The following A4GNT variants were observed in gnomAD, a reference collection of about 807,000 sequenced individuals.
A4GNT encodes alpha-1,4-N-acetylglucosaminyltransferase.
A4GNT carries 6 observed loss-of-function variants against 8.3 expected under a neutral mutation model. The observed-to-expected ratio is 0.72, with a 90% confidence interval of 0.39 to 1.42. The LOEUF (loss-of-function observed/expected upper bound fraction) is 1.42, where lower values mean the gene tolerates loss of function less well. Among genes scored for constraint, A4GNT ranks in the 40% most tolerant of loss-of-function variants. The pLI is 0.02. For synonymous variants in A4GNT, 157 were observed against 159.8 expected (o/e 0.98, Z 0.13); for missense variants, 377 against 417.0 (o/e 0.90, Z 0.84).
rs1271394523 is a variant in A4GNT, at chr3:138,124,694, A to C, written c.593T>G (p.Leu198Arg). The C allele has an allele frequency of 6.2e-7, 1 of 1,614,060 alleles. No individual in the cohort carries two copies. The highest frequency in any genetic ancestry group is 1.7e-5 in the Admixed American group (1 of 60,006). The change falls in exon 3 of 3, where the codon CTC becomes CGC. Residue 198 changes from leucine (L) to arginine (R), a missense_variant. By Grantham distance (102) the Leu-to-Arg change is moderately radical. Coordinates refer to ENST00000236709, the MANE Select transcript of A4GNT (RefSeq NM_016161.3). ...RYSSNGIFGF[L>R]PHHPFLWECM... ...TTCCCACAAAAAGGGGTGGTGGGGG[A>C]GGAACCCAAATATTCCATTACTAGA...
chr3:138,129,818 A>G (rs1045631565), intron 2 of A4GNT, among the ~76,000 whole-genome samples: 4 of 152,208 alleles, frequency 2.6e-5, no homozygotes, highest in African/African-American at 9.7e-5. Context: ...TGTTTGAGAC[A>G]GAGTCTCGCT....
Position 138,124,374 on chromosome 3 carries a change from T to C in A4GNT, c.913A>G (p.Asn305Asp), listed in dbSNP as rs1378172987. 5.6e-6 allele frequency: 9 copies of C among 1,614,140 alleles called. No individual in the cohort carries two copies. In the South Asian group the frequency reaches 8.8e-5, roughly 16 times the overall value. Residue 305 changes from asparagine (N) to aspartate (D), a missense_variant, in exon 3 of 3, where the codon AAC (asparagine) becomes GAC (aspartate). By Grantham distance (23) the Asn-to-Asp change is conservative. Coordinates refer to ENST00000236709, the MANE Select transcript of A4GNT (RefSeq NM_016161.3). ...QEGRAVIRGS[N>D]TLVENLYRKH... ...CGATAGAGATTTTCCACCAGTGTGT[T>C]GCTTCCTCTAATCACAGCCCGCCCC...
chr3:138,127,049 T>C (rs1371151851), intron 2 of A4GNT, among the ~76,000 whole-genome samples: 4 of 148,268 alleles, frequency 2.7e-5, no homozygotes, highest in African/African-American at 1.0e-4. Flanking sequence ...GGAGAATCAC[T>C]TGAACCTGGG....
chr3:138,124,961 C>T, intron 2 of A4GNT, 83 bp from the exon 3 acceptor site: 2 of 1,506,382 alleles, frequency 1.3e-6, no homozygotes, highest in East Asian at 2.3e-5. Flanking sequence ...CCCAGAGAGG[C>T]TGGGGAGGGG....
At chr3:138,127,468 G>A (rs1245453009) in intron 2 of A4GNT, among the ~76,000 whole-genome samples, 1 of 151,924 alleles carries the variant, frequency 6.6e-6, no homozygotes, top group Admixed American at 6.6e-5. Context: ...CAGCTACTTG[G>A]GAGGCTGAGG....
intron 2 of A4GNT, among the ~76,000 whole-genome samples, chr3:138,127,457 C>G (rs1323476092): frequency 6.6e-6 from 1 of 151,778 alleles, no homozygotes; most frequent in Non-Finnish European, 1.5e-5. Context: ...GCTTGTAGTC[C>G]CAGCTACTTG....
intron 2 of A4GNT, among the ~76,000 whole-genome samples, chr3:138,127,118 C>CAAAAA (rs898641661): frequency 5.6e-4 from 19 of 34,000 alleles, no homozygotes; most frequent in East Asian, 9.2e-4. Context: ...GACTCCATCT[C>CAAAAA]AAAAAAAAAA....
chr3:138,126,361 TAGAA>T (rs1428529920), intron 2 of A4GNT, among the ~76,000 whole-genome samples: 6 of 151,604 alleles, frequency 4.0e-5, no homozygotes, highest in African/African-American at 1.5e-4. Context: ...TGAAGAGAAA[TAGAA>T]AGCAAAATGT....
At position 138,124,415 on chromosome 3, in the gene A4GNT, T is replaced by C; in HGVS notation, c.872A>G (p.Asn291Ser). 1.2e-6 allele frequency: 2 copies of C among 1,614,208 alleles called. No individual in the cohort carries two copies. The highest frequency in any genetic ancestry group is 1.7e-6 in the Non-Finnish European group (2 of 1,180,048). ...FNVSYALHLW[N>S]HMNQEGRAVI... ...AGCCCGCCCCTCCTGGTTCATGTGG[T>C]TCCACAAATGCAGGGCATAAGAGAC... The change falls in exon 3 of 3, where the codon AAC becomes AGC. Residue 291 changes from asparagine to serine, a missense_variant. Coordinates refer to ENST00000236709, the MANE Select transcript of A4GNT (RefSeq NM_016161.3).
Position 138,131,034 on chromosome 3 carries a change from C to T in A4GNT, c.223G>A (p.Ala75Thr). ...HLVSCSVESAAKIYPEWPVVF... is the reference protein window; with the variant it reads ...HLVSCSVESATKIYPEWPVVF... ...ACAGGCCACTCAGGATAAATCTTGG[C>T]AGCAGACTCTACGGAACAGGAGACC... Residue 75 changes from alanine (A) to threonine (T), a missense_variant, in exon 2 of 3, where the codon GCC (alanine) becomes ACC (threonine). Coordinates refer to ENST00000236709, the MANE Select transcript of A4GNT (RefSeq NM_016161.3). The T allele has an allele frequency of 6.2e-7, 1 of 1,614,120 alleles. No individual in the cohort carries two copies. Among genetic ancestry groups the T allele is most frequent in the Non-Finnish European group, 8.5e-7 (1 of 1,180,012 alleles).
At position 138,124,874 on chromosome 3, in the gene A4GNT, T is replaced by G. The variant is rs2042736666; in HGVS notation, c.413A>C (p.Asn138Thr). The change falls in exon 3 of 3, where the codon AAC becomes ACC. Residue 138 changes from asparagine to threonine, a missense_variant. Physicochemically the swap from Asn to Thr is moderately conservative, Grantham distance 65. Transcript: ENST00000236709. ...GAGCCAGTTTCTCTCTGCGCTGGCG[T>G]TGATCTGCAGGAGCAGGTGCAAATC... is the stretch of plus-strand genomic sequence containing the variant. Reference protein sequence around the residue: ...TPLFSWYNQINASAERNWLHI... With the variant: ...TPLFSWYNQITASAERNWLHI... The G allele has an allele frequency of 8.1e-6, 13 of 1,609,432 alleles. No individual in the cohort carries two copies. Among genetic ancestry groups the G allele is most frequent in the Non-Finnish European group, 1.1e-5 (13 of 1,177,506 alleles).
At position 138,131,024 on chromosome 3, in the gene A4GNT, TA is replaced by T. The variant is rs2042773275; in HGVS notation, c.232del (p.Tyr78IlefsTer10). 6.2e-7 allele frequency: 1 copy of T among 1,614,092 alleles called. No individual in the cohort carries two copies. The highest frequency in any genetic ancestry group is 1.3e-5 in the African/African-American group (1 of 75,014). ...AAAGAACACCACAGGCCACTCAGGA[TA>T]AATCTTGGCAGCAGACTCTACGGAA... ...SCSVESAAKI[Y>X]PEWPVVFFMK... On this transcript the variant is annotated frameshift_variant, in exon 2 of 3. Coordinates refer to ENST00000236709, the MANE Select transcript of A4GNT (RefSeq NM_016161.3). LOFTEE classifies it high-confidence loss of function.
At chr3:138,127,136 A>C (rs1050257139) in intron 2 of A4GNT, among the ~76,000 whole-genome samples, 2 of 151,684 alleles carry the variant, frequency 1.3e-5, no homozygotes, top group African/African-American at 2.4e-5. Flanking sequence ...AAAAAAAAAA[A>C]AAAACAATAA....
rs1167069082 is a variant in A4GNT, at chr3:138,131,068, T to A, written c.189A>T (p.Pro63=). 1 of 1,613,686 alleles carries A rather than the reference T, an allele frequency of 6.2e-7. No individual in the cohort carries two copies. Among genetic ancestry groups the A allele is most frequent in the Admixed American group, 1.7e-5 (1 of 59,992 alleles). ...VFLETSERME[P]PHLVSCSVES... ...CTACGGAACAGGAGACCAAATGGGGTGGCTCCATTCTCTCTGAGGTCTCTA... is the reference window on the plus strand; with the variant it reads ...CTACGGAACAGGAGACCAAATGGGGAGGCTCCATTCTCTCTGAGGTCTCTA... Residue 63 remains proline, a synonymous_variant, in exon 2 of 3, where the codon CCA becomes CCT. Coordinates refer to ENST00000236709, the MANE Select transcript of A4GNT (RefSeq NM_016161.3).
intron 2 of A4GNT, among the ~76,000 whole-genome samples, chr3:138,126,202 A>G (rs536642413): frequency 1.0e-4 from 15 of 149,040 alleles, no homozygotes; most frequent in African/African-American, 3.4e-4. Flanking sequence ...GCTGGTCAGG[A>G]TTTGCTAATG....
intron 2 of A4GNT, among the ~76,000 whole-genome samples, chr3:138,130,027 C>T (rs2622694): frequency 0.64 from 96,807 of 151,808 alleles, 31,036 homozygotes; most frequent in Admixed American, 0.69. Context: ...TAAATTCACT[C>T]CTAATCCAAT....
intron 2 of A4GNT, among the ~76,000 whole-genome samples, chr3:138,128,408 C>G (rs2042758029): frequency 1.3e-5 from 2 of 151,864 alleles, no homozygotes; most frequent in Admixed American, 1.3e-4. Flanking sequence ...CTTTTACTCA[C>G]AGCTGAAGGT....
intron 2 of A4GNT, among the ~76,000 whole-genome samples, chr3:138,129,577 G>C (rs1024201470): frequency 1.3e-5 from 2 of 152,156 alleles, no homozygotes; most frequent in Admixed American, 1.3e-4. Flanking sequence ...ATGAATTTCT[G>C]TTGTTTTATG....
In A4GNT at chr3:138,124,199, T is replaced by C; in HGVS notation, c.*65A>G. On this transcript the variant is annotated 3_prime_UTR_variant, in exon 3 of 3. Coordinates refer to ENST00000236709, the MANE Select transcript of A4GNT (RefSeq NM_016161.3). Reference sequence around the variant, plus strand: ...CCGCCAAGAGACAGTGGAGATCAAGTGAAAATGTGGCACTCCAGGAAATGT... The same window carrying C: ...CCGCCAAGAGACAGTGGAGATCAAGCGAAAATGTGGCACTCCAGGAAATGT... The C allele has an allele frequency of 6.4e-7, 1 of 1,551,694 alleles. No individual in the cohort carries two copies. The highest frequency in any genetic ancestry group is 8.7e-7 in the Non-Finnish European group (1 of 1,147,374).
Sources: gnomAD v4.1 joint callset for allele counts (sites outside exome capture counted in the v4.1 genomes callset) on GRCh38, gnomAD v4.1.1 for gene constraint, MANE v1.5 for transcripts, NCBI Gene and HGNC (gene_info 2026-07-23, HGNC 2026-07-21) for gene names.